PPFIBP2: variants seen among roughly 807,000 people sequenced by gnomAD.
PPFIBP2 encodes liprin-beta-2.
A neutral mutation model predicts 118.3 loss-of-function variants in PPFIBP2; 118 were observed. That is an observed-to-expected ratio of 1.00 (90% confidence interval 0.86 to 1.16). PPFIBP2 has a LOEUF of 1.16. Ranked by LOEUF, PPFIBP2 falls within the 50% of genes most tolerant of loss-of-function variation. The pLI is 0.00. For synonymous variants in PPFIBP2, 414 were observed against 397.4 expected, an observed-to-expected ratio of 1.04 and a Z score of -0.50; for missense variants, 1,195 against 1,073.1, an observed-to-expected ratio of 1.11 and a Z score of -1.59.
intron 6 of PPFIBP2, chr11:7,617,308 T>G (rs1848773290): frequency 1.0e-6 from 1 of 985,170 alleles, no homozygotes; most frequent in South Asian, 4.7e-5. Context: ...GGAACCACAC[T>G]TAAGTATATC....
chr11:7,559,730 G>C (rs1217828962), intron 2 of PPFIBP2, among the ~76,000 whole-genome samples: 1 of 151,976 alleles, frequency 6.6e-6, no homozygotes, highest in African/African-American at 2.4e-5. Context: ...CTTTCTATAG[G>C]GGTCTCACTT....
At position 7,634,553 on chromosome 11, in the gene PPFIBP2, G is replaced by T; in HGVS notation, c.1194+1G>T. ...CTTGAGAAGTGAATCTGTGGATAAG[G>T]TCGGCTCATCAACCTATCCTTAAAG... On this transcript the variant is annotated splice_donor_variant, in intron 13 of 23. Coordinates refer to ENST00000299492, the MANE Select transcript of PPFIBP2 (RefSeq NM_003621.5). LOFTEE classifies it high-confidence loss of function. 1 of 1,612,014 alleles carries T rather than the reference G, an allele frequency of 6.2e-7. No homozygotes were observed. Among genetic ancestry groups the T allele is most frequent in the Non-Finnish European group, 8.5e-7 (1 of 1,178,142 alleles).
intron 1 of PPFIBP2, among the ~76,000 whole-genome samples, chr11:7,524,303 T>C (rs1363917989): frequency 6.6e-6 from 1 of 152,148 alleles, no homozygotes; most frequent in Non-Finnish European, 1.5e-5. Context: ...GGGGCAACAG[T>C]TTCCTTCTCC....
chr11:7,602,591 G>A (rs1345033093), intron 5 of PPFIBP2, among the ~76,000 whole-genome samples: 2 of 152,162 alleles, frequency 1.3e-5, no homozygotes, highest in Non-Finnish European at 2.9e-5. Context: ...ATTTTCCAGA[G>A]ACTGGCCATT....
At chr11:7,664,302 T>C in the PPFIBP2 span, among the ~76,000 whole-genome samples, 1 of 152,156 alleles carries the variant, frequency 6.6e-6, no homozygotes, top group African/African-American at 2.4e-5. Context: ...GCATTCCAGG[T>C]AGACAGACTT....
intron 1 of PPFIBP2, among the ~76,000 whole-genome samples, chr11:7,516,241 C>T (rs966016265): frequency 6.6e-6 from 1 of 152,076 alleles, no homozygotes; most frequent in African/African-American, 2.4e-5. Context: ...GCGGCGAGGC[C>T]GGATAGGAAA....
At chr11:7,561,641 T>C (rs1382717090) in intron 2 of PPFIBP2, among the ~76,000 whole-genome samples, 1 of 152,248 alleles carries the variant, frequency 6.6e-6, no homozygotes, top group Admixed American at 6.5e-5. Context: ...TCTAGCCACA[T>C]ATTTTAGCAG....
intron 3 of PPFIBP2, among the ~76,000 whole-genome samples, chr11:7,586,760 A>T (rs1375148107): frequency 6.6e-6 from 1 of 152,214 alleles, no homozygotes; most frequent in Non-Finnish European, 1.5e-5. Context: ...TGGAAGCACC[A>T]CAAGAAAGTC....
chr11:7,653,404 G>A lies in PPFIBP2; in HGVS notation c.*186G>A, dbSNP rs1479794179. On this transcript the variant is annotated 3_prime_UTR_variant, in exon 24 of 24. Coordinates refer to ENST00000299492, the MANE Select transcript of PPFIBP2 (RefSeq NM_003621.5). ...CAGGATCTGGAGCTGCATCTCTAAG[G>A]GGCCAGGCTTTGGGGACCATTGCCA... 6.7e-7 allele frequency: 1 copy of A among 1,491,076 alleles called. No homozygotes were observed. Among genetic ancestry groups the A allele is most frequent in the Non-Finnish European group, 8.9e-7 (1 of 1,124,046 alleles). The allele number at this position is 1,491,076 out of a possible 1,614,324, so 92.4% of individuals were successfully genotyped here.
chr11:7,603,042 T>C (rs1846867558), intron 5 of PPFIBP2, among the ~76,000 whole-genome samples: 1 of 152,214 alleles, frequency 6.6e-6, no homozygotes, highest in Admixed American at 6.5e-5. Context: ...GACACAGGCC[T>C]AGTAGATGGC....
intron 1 of PPFIBP2, among the ~76,000 whole-genome samples, chr11:7,538,079 G>A (rs879621308): frequency 6.6e-6 from 1 of 152,154 alleles, no homozygotes; most frequent in Admixed American, 6.5e-5. Flanking sequence ...AGCAAATACG[G>A]TGAAGGAAAC....
chr11:7,648,305 T>C (rs1853425794), intron 17 of PPFIBP2, 82 bp from the exon 18 acceptor site: 1 of 1,452,806 alleles, frequency 6.9e-7, no homozygotes, highest in African/African-American at 1.4e-5. Flanking sequence ...TTCTTTTCTT[T>C]TCTTTTGTTT....
At position 7,640,979 on chromosome 11, in the gene PPFIBP2, C is replaced by T. The variant is rs1852100759; in HGVS notation, c.1376-500C>T. The T allele has an allele frequency of 9.1e-6, 11 of 1,213,018 alleles. No homozygotes were observed. In the South Asian group the frequency reaches 1.3e-4, roughly 14 times the overall value. The allele number at this position is 1,213,018 out of a possible 1,614,324, so 75.1% of individuals were successfully genotyped here. A position where few individuals can be genotyped will look rare whatever the true frequency, so the allele number is the denominator to read the frequency against. ...TTCCCCGTAACTCTGTTGGGCTGGA[C>T]TTTGGCCTCTCTTGTTTCTTCATGT... On this transcript the variant is annotated intron_variant, in intron 15 of 23. Coordinates refer to ENST00000299492, the MANE Select transcript of PPFIBP2 (RefSeq NM_003621.5).
chr11:7,651,960 T>G (rs1194168071), intron 23 of PPFIBP2, 116 bp downstream of exon 23: 2 of 1,012,268 alleles, frequency 2.0e-6, no homozygotes, highest in Admixed American at 5.1e-5. Context: ...ACAAAGAGGA[T>G]CTTTCAGCTT....
intron 3 of PPFIBP2, among the ~76,000 whole-genome samples, chr11:7,575,539 C>A (rs1010338107): frequency 2.0e-5 from 3 of 152,312 alleles, no homozygotes; most frequent in Non-Finnish European, 2.9e-5. Context: ...GAGGCTGGAA[C>A]CTTGCGCCAC....
intron 1 of PPFIBP2, among the ~76,000 whole-genome samples, chr11:7,547,058 CAG>C (rs1426244539): frequency 6.6e-6 from 1 of 152,222 alleles, no homozygotes; most frequent in Non-Finnish European, 1.5e-5. Context: ...ACAAGGCAGA[CAG>C]GGTCCCTCTG....
rs185944549 is a variant in PPFIBP2, at chr11:7,606,146, G to T, written c.487-4145G>T. 3.1e-3 allele frequency: 3,325 copies of T among 1,090,148 alleles called. 9 individuals are homozygous for T. The highest frequency in any genetic ancestry group is 4.1e-3 in the South Asian group (209 of 50,998). The allele number at this position is 1,090,148 out of a possible 1,614,324, so 67.5% of individuals were successfully genotyped here. ...CAGGATAGATGCAGATGGTCGGGGG[G>T]CAAAATACTGGCTTGGAAGCAGCCC... is the stretch of plus-strand genomic sequence containing the variant. On this transcript the variant is annotated intron_variant, in intron 5 of 23. Coordinates refer to ENST00000299492, the MANE Select transcript of PPFIBP2 (RefSeq NM_003621.5).
At position 7,629,448 on chromosome 11, in the gene PPFIBP2, C is replaced by G. The variant is rs773915325; in HGVS notation, c.889-11C>G. ...TAGCATTAATCTAAATCTCTACTTG[C>G]ACTATGGCAGGACCGTCGGATAGAG... On this transcript the variant is annotated splice_polypyrimidine_tract_variant and intron_variant, in intron 9 of 23. Transcript: ENST00000299492. 7.4e-6 allele frequency: 12 copies of G among 1,612,988 alleles called. No homozygotes were observed. The African/African-American group carries it at 1.2e-4, about 16-fold the overall frequency.
chr11:7,583,149 T>C (rs1201872190), intron 3 of PPFIBP2, among the ~76,000 whole-genome samples: 1 of 152,226 alleles, frequency 6.6e-6, no homozygotes, highest in Non-Finnish European at 1.5e-5. Flanking sequence ...TATAGTCATC[T>C]TTTAAATTCC....
Sources: allele counts gnomAD v4.1 joint callset (sites outside exome capture counted in the v4.1 genomes callset), GRCh38; gene constraint gnomAD v4.1.1; transcripts MANE v1.5; gene names NCBI Gene and HGNC (gene_info 2026-07-23, HGNC 2026-07-21).